IGDCC3: variants seen among roughly 807,000 people sequenced by gnomAD.
IGDCC3 encodes the protein immunoglobulin superfamily DCC subclass member 3, also known as putative neuronal cell adhesion molecule.
A neutral mutation model predicts 72.0 loss-of-function variants in IGDCC3; 47 were observed. The ratio of observed to expected loss-of-function variants is 0.65; its 90% CI spans 0.52 to 0.83. The LOEUF is 0.83. IGDCC3 is among the 40% of genes least tolerant of loss of function. The probability of loss-of-function intolerance (pLI) is 0.00; values close to 1 mark genes in which losing one functional copy is unlikely to be tolerated. For synonymous variants in IGDCC3, 477 were observed against 472.8 expected (o/e 1.01, Z -0.11); for missense variants, 1,038 against 1,091.3 (o/e 0.95, Z 0.69).
rs566822229 is a variant in IGDCC3 at position 65,346,044 on chromosome 15, C to A, written c.410-10088G>T. Reference sequence around the variant, plus strand: ...CACACAACATGCTAGACCCTTACTGCCACCCTTCCTACTCACACTCAGAGT... The same window carrying A: ...CACACAACATGCTAGACCCTTACTGACACCCTTCCTACTCACACTCAGAGT... On this transcript the variant is annotated intron_variant, in intron 2 of 13. Transcript: ENST00000327987. Among the ~76,000 whole-genome samples, 3 of 152,312 alleles carry A rather than the reference C, an allele frequency of 2.0e-5. No individual in the cohort carries two copies. In the East Asian group the frequency reaches 5.8e-4, roughly 29 times the overall value.
At chr15:65,348,606 G>A (rs900234483) in intron 2 of IGDCC3, among the ~76,000 whole-genome samples, 6 of 152,192 alleles carry the variant, frequency 3.9e-5, no homozygotes, top group African/African-American at 1.2e-4. Context: ...CAACTTCGGG[G>A]AGTTAGAGTC....
chr15:65,351,374 A>T (rs1250402230), intron 2 of IGDCC3, among the ~76,000 whole-genome samples: 2 of 152,122 alleles, frequency 1.3e-5, no homozygotes, highest in Non-Finnish European at 2.9e-5. Flanking sequence ...CTCTACTAAA[A>T]ATACAAAAAA....
At chr15:65,374,969 C>G (rs1323961294) in intron 2 of IGDCC3, 128 bp downstream of exon 2, 6 of 759,554 alleles carry the variant, frequency 7.9e-6, no homozygotes, top group Non-Finnish European at 1.1e-5. Context: ...CAAAACCGAC[C>G]CATGCTGAGA....
rs1352745158 is a variant in IGDCC3 at position 65,355,294 on chromosome 15, C to A, written c.410-19338G>T. Reference sequence around the variant, plus strand: ...AGTAAGTGGGACCATCTGCTCCACTCCTCGGAGGTCAGCGCTTTGTGTCAG... The same window carrying A: ...AGTAAGTGGGACCATCTGCTCCACTACTCGGAGGTCAGCGCTTTGTGTCAG... On this transcript the variant is annotated intron_variant, in intron 2 of 13. Coordinates refer to ENST00000327987, the MANE Select transcript of IGDCC3 (RefSeq NM_004884.4). Among the ~76,000 whole-genome samples, 3 of 152,216 alleles carry A rather than the reference C, an allele frequency of 2.0e-5. 1 individual carries two copies. The highest frequency in any genetic ancestry group is 4.4e-5 in the Non-Finnish European group (3 of 68,014).
At chr15:65,373,550 G>C (rs1255324857) in intron 2 of IGDCC3, 1 of 152,758 alleles carries the variant, frequency 6.5e-6, no homozygotes, top group East Asian at 1.9e-4. Context: ...CAGAGCAACT[G>C]TGCAAATGCC....
intron 2 of IGDCC3, among the ~76,000 whole-genome samples, chr15:65,351,097 C>G (rs1035822643): frequency 1.6e-4 from 24 of 152,120 alleles, no homozygotes; most frequent in African/African-American, 5.8e-4. Context: ...GTAAGATATT[C>G]TGTGTGTGAA....
chr15:65,346,758 C>T (rs1265283119), intron 2 of IGDCC3, among the ~76,000 whole-genome samples: 1 of 152,148 alleles, frequency 6.6e-6, no homozygotes, highest in African/African-American at 2.4e-5. Flanking sequence ...CATGCCCGGC[C>T]GAGACTCAGC....
chr15:65,362,569 G>T (rs1318207825), intron 2 of IGDCC3, among the ~76,000 whole-genome samples: 1 of 151,660 alleles, frequency 6.6e-6, no homozygotes, highest in Non-Finnish European at 1.5e-5. Flanking sequence ...GAGGGTGGGT[G>T]GGGGGGTGCA....
At chr15:65,345,473 G>A (rs1029824739) in intron 2 of IGDCC3, among the ~76,000 whole-genome samples, 3 of 152,124 alleles carry the variant, frequency 2.0e-5, no homozygotes, top group African/African-American at 7.2e-5. Flanking sequence ...AGAATCGCTT[G>A]AGTCCAATAG....
chr15:65,334,699 G>A (rs1215845350), intron 5 of IGDCC3, 29 bp downstream of exon 5: 2 of 1,519,790 alleles, frequency 1.3e-6, no homozygotes, highest in Non-Finnish European at 1.8e-6. Context: ...CAGGCTGGGA[G>A]GGGCAGGGGC....
chr15:65,359,462 C>A (rs973519561), intron 2 of IGDCC3, among the ~76,000 whole-genome samples: 3 of 152,158 alleles, frequency 2.0e-5, no homozygotes, highest in Admixed American at 2.0e-4. Flanking sequence ...GTTTCTCCAG[C>A]TTTCCTGGGA....
intron 2 of IGDCC3, among the ~76,000 whole-genome samples, chr15:65,337,415 C>T (rs1183758673): frequency 1.3e-5 from 2 of 152,144 alleles, no homozygotes; most frequent in East Asian, 1.9e-4. Flanking sequence ...TCCACTGCTG[C>T]GGCGGGTGTG....
chr15:65,367,346 CAAA>C lies in IGDCC3; in HGVS notation c.409+7748_409+7750del, dbSNP rs10609381. Among the ~76,000 whole-genome samples the C allele has an allele frequency of 5.4e-4, 40 of 74,412 alleles. 1 individual carries two copies. Among genetic ancestry groups the C allele is most frequent in the South Asian group, 3.6e-3 (7 of 1,930 alleles). The allele number at this position is 74,412 out of a possible 152,430, so 48.8% of individuals were successfully genotyped here. On this transcript the variant is annotated intron_variant, in intron 2 of 13. Transcript: ENST00000327987. Reference sequence around the variant, plus strand: ...TGGGAGACAGAGTGAGACTTTGTCTCAAAAAAAAAAAAAAAAAAAAGAAAAGAA... The same window carrying C: ...TGGGAGACAGAGTGAGACTTTGTCTCAAAAAAAAAAAAAAAAAGAAAAGAA...
rs1192081274 is a variant in IGDCC3 at position 65,330,370 on chromosome 15, A to G, written c.1781T>C (p.Leu594Pro). 6.2e-7 allele frequency: 1 copy of G among 1,614,040 alleles called. No individual in the cohort carries two copies. The highest frequency in any genetic ancestry group is 8.5e-7 in the Non-Finnish European group (1 of 1,179,956). Residue 594 changes from leucine (L) to proline (P), a missense_variant, in exon 11 of 14, where the codon CTG becomes CCG. Coordinates refer to ENST00000327987, the MANE Select transcript of IGDCC3 (RefSeq NM_004884.4). The part of the protein sequence containing the change: ...LDPTAVYEVK[L>P]LAYNQHGDGN... ...ATCTCCATGCTGGTTGTAGGCGAGC[A>G]GCTTCACCTCATACACTGCAGTGGG... is the stretch of plus-strand genomic sequence containing the variant.
chr15:65,334,212 G>T (rs1205055256), intron 5 of IGDCC3, among the ~76,000 whole-genome samples: 1 of 152,068 alleles, frequency 6.6e-6, no homozygotes, highest in African/African-American at 2.4e-5. Context: ...AGACAATGTG[G>T]GCCCATCTGC....
chr15:65,335,219 G>A (rs1300185693), intron 4 of IGDCC3, 72 bp downstream of exon 4: 26 of 1,504,240 alleles, frequency 1.7e-5, no homozygotes, highest in East Asian at 2.3e-5. Flanking sequence ...AGCTGAAGGG[G>A]GTTGATCTAA....
At chr15:65,361,384 A>G (rs2680891) in intron 2 of IGDCC3, among the ~76,000 whole-genome samples, 71,874 of 150,540 alleles carry the variant, frequency 0.48, 17,830 homozygotes, top group African/African-American at 0.61. Flanking sequence ...TGAGGCTGCA[A>G]CAAGCCGCGA....
At chr15:65,358,857 G>A (rs904843850) in intron 2 of IGDCC3, among the ~76,000 whole-genome samples, 5 of 151,362 alleles carry the variant, frequency 3.3e-5, no homozygotes, top group Admixed American at 6.6e-5. Context: ...ATGAAGTCTC[G>A]CTCTGTCACC....
chr15:65,341,002 T>C (rs2091076125), intron 2 of IGDCC3, among the ~76,000 whole-genome samples: 2 of 152,242 alleles, frequency 1.3e-5, no homozygotes, highest in Admixed American at 1.3e-4. Flanking sequence ...GTGCCGGGAT[T>C]ACAGGCGTGA....
Sources: allele counts gnomAD v4.1 joint callset (sites outside exome capture counted in the v4.1 genomes callset), GRCh38; gene constraint gnomAD v4.1.1; transcripts MANE v1.5; gene names NCBI Gene and HGNC (gene_info 2026-07-23, HGNC 2026-07-21).